The following PGM3 variants were observed in gnomAD, a reference collection of about 807,000 sequenced individuals.
The protein encoded by PGM3 is phosphoglucomutase 3.
A neutral mutation model predicts 66.2 loss-of-function variants in PGM3; 40 were observed. The observed-to-expected ratio is 0.60, with a 90% CI of 0.47 to 0.79. The LOEUF is 0.79. PGM3 is among the 30% of genes least tolerant of loss of function. The pLI is 0.00. For synonymous variants in PGM3, 191 were observed against 224.2 expected, an observed-to-expected ratio of 0.85 and a Z score of 1.32; for missense variants, 537 against 643.4, an observed-to-expected ratio of 0.83 and a Z score of 1.79.
At chr6:83,185,779 G>A (rs573296018) in intron 4 of PGM3, among the ~76,000 whole-genome samples, 97 of 151,788 alleles carry the variant, frequency 6.4e-4, no homozygotes, top group African/African-American at 2.2e-3. Context: ...AAATAAATAA[G>A]TAAATAAATA....
the PGM3 span, chr6:83,153,914 AT>A: frequency 6.2e-7 from 1 of 1,612,564 alleles, no homozygotes; most frequent in Non-Finnish European, 8.5e-7. Flanking sequence ...GCCCCTAGTT[AT>A]CGAGCTTGTG....
intron 12 of PGM3, chr6:83,169,914 GA>G: frequency 2.5e-6 from 1 of 405,976 alleles, no homozygotes; most frequent in Non-Finnish European, 4.8e-6. Flanking sequence ...CAAGAGTCCA[GA>G]ATGCTATCAG....
At chr6:83,179,785 AG>A in intron 7 of PGM3, 24 bp downstream of exon 7, 1 of 1,577,440 alleles carries the variant, frequency 6.3e-7, no homozygotes, top group Non-Finnish European at 8.6e-7. Context: ...CTTGTTTTAG[AG>A]GGTAGCCAAT....
chr6:83,168,270 C>T lies in PGM3; in HGVS notation c.*964G>A. On this transcript the variant is annotated 3_prime_UTR_variant, in exon 13 of 13. Transcript: ENST00000513973. ...TTTTCCTTTTTTGTATGTAACAGAA[C>T]ACATTTCAGATTGTATTTAATTTAA... The T allele has an allele frequency of 6.9e-7, 1 of 1,448,614 alleles. No homozygotes were observed. Among genetic ancestry groups the T allele is most frequent in the East Asian group, 2.5e-5 (1 of 40,434 alleles). 89.7% of individuals were successfully genotyped at this position (1,448,614 alleles called of 1,614,324 possible). A position where few individuals can be genotyped will look rare whatever the true frequency, so the allele number is the denominator to read the frequency against.
intron 10 of PGM3, among the ~76,000 whole-genome samples, chr6:83,173,575 C>T (rs762217820): frequency 6.6e-6 from 1 of 151,998 alleles, no homozygotes; most frequent in Non-Finnish European, 1.5e-5. Context: ...CCCTGTGTTA[C>T]TGTAAGGATT....
chr6:83,162,756 C>G (rs1784531922), downstream of PGM3: 2 of 1,580,428 alleles, frequency 1.3e-6, no homozygotes, highest in Non-Finnish European at 1.7e-6. Context: ...CAAAGTCTGT[C>G]TTACTGATGC....
rs935114472 is a variant in PGM3 at position 83,179,281 on chromosome 6, C to A, written c.946-525G>T. Among the ~76,000 whole-genome samples, 3 of 146,688 alleles carry A rather than the reference C, an allele frequency of 2.0e-5. No homozygotes were observed. The East Asian group carries it at 5.9e-4, about 29-fold the overall frequency. On this transcript the variant is annotated intron_variant, in intron 7 of 12. Coordinates refer to ENST00000513973, the MANE Select transcript of PGM3 (RefSeq NM_015599.3). Reference sequence around the variant, plus strand: ...GAGCCGAGATCACGCCCCTGCACTCCAGCCTGGGCAACAGAGCAACACTGT... The same window carrying A: ...GAGCCGAGATCACGCCCCTGCACTCAAGCCTGGGCAACAGAGCAACACTGT...
the PGM3 span, chr6:83,152,026 A>G: frequency 6.2e-7 from 1 of 1,613,852 alleles, no homozygotes; most frequent in Non-Finnish European, 8.5e-7. Flanking sequence ...CTGATGTTGA[A>G]GGTATTCTTG....
Position 83,175,979 on chromosome 6 carries a change from C to T in PGM3, c.1111G>A (p.Ala371Thr), listed in dbSNP as rs1025023575. Residue 371 changes from alanine to threonine, a missense_variant, in exon 9 of 13, where the codon GCA becomes ACA. Ala to Thr is a moderately conservative substitution (Grantham distance 58). Coordinates refer to ENST00000513973, the MANE Select transcript of PGM3 (RefSeq NM_015599.3). ...GAACTTACAGTGCCATGCCCATTTG[C>T]TTCAAAATAAACTCCAATGTCAAAC... ...QEFDIGVYFE[A>T]NGHGTALFST... 2 of 1,608,514 alleles carry T rather than the reference C, an allele frequency of 1.2e-6. No individual in the cohort carries two copies. The highest frequency in any genetic ancestry group is 1.7e-6 in the Non-Finnish European group (2 of 1,175,016).
the PGM3 span, among the ~76,000 whole-genome samples, chr6:83,151,036 A>G: frequency 6.6e-6 from 1 of 152,354 alleles, no homozygotes; most frequent in East Asian, 1.9e-4. Flanking sequence ...TTTTTGAACT[A>G]TAAGTATATA....
intron 12 of PGM3, chr6:83,169,804 G>A (rs1367503289): frequency 2.2e-6 from 1 of 457,400 alleles, no homozygotes; most frequent in Non-Finnish European, 4.4e-6. Flanking sequence ...TATGTGAAGA[G>A]GCCAAATAAT....
intron 5 of PGM3, among the ~76,000 whole-genome samples, chr6:83,182,189 T>C (rs563181436): frequency 6.6e-6 from 1 of 152,288 alleles, no homozygotes; most frequent in African/African-American, 2.4e-5. Context: ...TAGAATTTAG[T>C]CTCAATTAAC....
chr6:83,177,751 C>T (rs1243961971), intron 8 of PGM3, among the ~76,000 whole-genome samples: 1 of 152,150 alleles, frequency 6.6e-6, no homozygotes, highest in Admixed American at 6.6e-5. Context: ...ATCCCTCATC[C>T]TGATACATGA....
Position 83,190,892 on chromosome 6 carries a change from G to A in PGM3, c.121C>T (p.Arg41Cys), listed in dbSNP as rs187457394. 8.7e-6 allele frequency: 14 copies of A among 1,614,038 alleles called. No individual in the cohort carries two copies. The highest frequency in any genetic ancestry group is 2.7e-5 in the African/African-American group (2 of 75,030). Reference protein sequence around the residue: ...KAEHLDHVMFRMGLLAVLRSK... With the variant: ...KAEHLDHVMFCMGLLAVLRSK... Reference sequence around the variant, plus strand: ...CTCAGGACAGCTAATAATCCCATGCGAAACATGACATGATCAAGATGTTCT... The same window carrying A: ...CTCAGGACAGCTAATAATCCCATGCAAAACATGACATGATCAAGATGTTCT... The change falls in exon 2 of 13, where the codon CGC becomes TGC. Residue 41 changes from arginine to cysteine, a missense_variant. By Grantham distance (180) the Arg-to-Cys change is radical (BLOSUM62 -3). Coordinates refer to ENST00000513973, the MANE Select transcript of PGM3 (RefSeq NM_015599.3).
chr6:83,175,218 G>A (rs1787670032), intron 9 of PGM3, among the ~76,000 whole-genome samples: 1 of 152,148 alleles, frequency 6.6e-6, no homozygotes, highest in South Asian at 2.1e-4. Flanking sequence ...ACAACTGTAA[G>A]AGACCTTATG....
rs138786799 is a variant in PGM3 at position 83,167,930 on chromosome 6, C to G, written c.*1304G>C. On this transcript the variant is annotated 3_prime_UTR_variant, in exon 13 of 13. Coordinates refer to ENST00000513973, the MANE Select transcript of PGM3 (RefSeq NM_015599.3). ...AGCCAGGGCACTTGCTGCTCACCATCTGCACCGTGCGCAGTATGGAGCAGC... is the reference window on the plus strand; with the variant it reads ...AGCCAGGGCACTTGCTGCTCACCATGTGCACCGTGCGCAGTATGGAGCAGC... 6.2e-7 allele frequency: 1 copy of G among 1,614,088 alleles called. No individual in the cohort carries two copies. The highest frequency in any genetic ancestry group is 1.3e-5 in the African/African-American group (1 of 74,944).
rs1362927948 is a variant in PGM3, at chr6:83,168,899, T to C, written c.*335A>G. 9.4e-7 allele frequency: 1 copy of C among 1,065,716 alleles called. No homozygotes were observed. Among genetic ancestry groups the C allele is most frequent in the East Asian group, 6.7e-5 (1 of 14,874 alleles). 66.0% of individuals were successfully genotyped at this position (1,065,716 alleles called of 1,614,324 possible). On this transcript the variant is annotated 3_prime_UTR_variant, in exon 13 of 13. Coordinates refer to ENST00000513973, the MANE Select transcript of PGM3 (RefSeq NM_015599.3). Reference sequence around the variant, plus strand: ...TCATGTGATGGTGATGGCAAAGATATCACAAGGAGTTGGTAATAAGATTTA... The same window carrying C: ...TCATGTGATGGTGATGGCAAAGATACCACAAGGAGTTGGTAATAAGATTTA...
chr6:83,188,868 A>G, intron 2 of PGM3, 70 bp from the exon 3 acceptor site: 2 of 1,336,914 alleles, frequency 1.5e-6, no homozygotes, highest in East Asian at 4.7e-5. Context: ...AGAACTCAAA[A>G]GCTGTTTCCC....
chr6:83,181,626 A>G, intron 6 of PGM3, 110 bp downstream of exon 6: 2 of 718,612 alleles, frequency 2.8e-6, no homozygotes, highest in Non-Finnish European at 4.7e-6. Context: ...AATGTGGCAG[A>G]GCCAGGAATA....
Sources: gnomAD v4.1 joint callset for allele counts (sites outside exome capture counted in the v4.1 genomes callset) on GRCh38, gnomAD v4.1.1 for gene constraint, MANE v1.5 for transcripts, NCBI Gene and HGNC (gene_info 2026-07-23, HGNC 2026-07-21) for gene names.